Variants in ZGRF1 observed in about 807,000 individuals in gnomAD.
The protein encoded by ZGRF1 is zinc finger GRF-type containing 1.
In ZGRF1, 196 loss-of-function variants were observed where a neutral mutation model predicts 203.5. The observed-to-expected ratio is 0.96, with a 90% CI of 0.86 to 1.08. ZGRF1 has a LOEUF of 1.08. Among genes scored for constraint, ZGRF1 ranks in the 50% least tolerant of loss-of-function variants. The pLI, the probability that ZGRF1 is intolerant of heterozygous loss-of-function variation, is 0.00. For synonymous variants in ZGRF1, 809 were observed against 841.3 expected, an observed-to-expected ratio of 0.96 and a Z score of 0.66; for missense variants, 2,326 against 2,416.3, an observed-to-expected ratio of 0.96 and a Z score of 0.78.
intron 24 of ZGRF1, among the ~76,000 whole-genome samples, chr4:112,546,530 A>G (rs912852640): frequency 6.6e-6 from 1 of 152,204 alleles, no homozygotes; most frequent in Non-Finnish European, 1.5e-5. Context: ...CTTCATCCCC[A>G]ATGCAACAGT....
rs1257042608 is a variant in ZGRF1, at chr4:112,619,215, T to A, written c.827A>T (p.Glu276Val). 8 of 1,613,300 alleles carry A rather than the reference T, an allele frequency of 5.0e-6. No homozygotes were observed. In the East Asian group the frequency reaches 1.1e-4, roughly 22 times the overall value. Reference sequence around the variant, plus strand: ...TTGTGGTTGTTTTTGAGGAAAATGCTCTGTCATCTCAGAATTTAGTTCCTC... The same window carrying A: ...TTGTGGTTGTTTTTGAGGAAAATGCACTGTCATCTCAGAATTTAGTTCCTC... ...SCEELNSEMT[E>V]HFPQKQPQGS... The change falls in exon 6 of 28, where the codon GAG (glutamate) becomes GTG (valine). Residue 276 changes from glutamate to valine, a missense_variant. Glu to Val is a moderately radical substitution (Grantham distance 121). Transcript: ENST00000505019.
intron 9 of ZGRF1, 178 bp downstream of exon 9, chr4:112,605,830 C>A (rs1229675946): frequency 1.8e-6 from 1 of 564,512 alleles, no homozygotes. Context: ...AAGTTTAAGA[C>A]CAAAAAGGGG....
At chr4:112,578,433 G>A (rs1745609576) in intron 16 of ZGRF1, among the ~76,000 whole-genome samples, 1 of 114,976 alleles carries the variant, frequency 8.7e-6, no homozygotes, top group Non-Finnish European at 2.0e-5. Flanking sequence ...GAGCAGAACT[G>A]AAGGAAATAG....
Position 112,584,030 on chromosome 4 carries a change from A to G in ZGRF1, c.4246T>C (p.Tyr1416His), listed in dbSNP as rs1323529737. 1 of 1,612,234 alleles carries G rather than the reference A, an allele frequency of 6.2e-7. No individual in the cohort carries two copies. Among genetic ancestry groups the G allele is most frequent in the African/African-American group, 1.3e-5 (1 of 74,830 alleles). ...AGTGGTATCTTTTGACTTCTTAAAT[A>G]TAAGCCAATACTCTTAATATCACTT... is the stretch of plus-strand genomic sequence containing the variant. The part of the protein sequence containing the change: ...VLSDIKSIGL[Y>H]LRSQKIPLYE... Residue 1416 changes from tyrosine (Y) to histidine (H), a missense_variant, in exon 15 of 28, where the codon TAT becomes CAT. Physicochemically the swap from Tyr to His is moderately conservative, Grantham distance 83. Coordinates refer to ENST00000505019, the MANE Select transcript of ZGRF1 (RefSeq NM_018392.5).
rs1204996218 is a variant in ZGRF1 at position 112,539,502 on chromosome 4, T to C, written c.*45A>G. 4 of 945,170 alleles carry C rather than the reference T, an allele frequency of 4.2e-6. No individual in the cohort carries two copies. Among genetic ancestry groups the C allele is most frequent in the Non-Finnish European group, 6.3e-6 (4 of 631,132 alleles). 58.5% of individuals were successfully genotyped at this position (945,170 alleles called of 1,614,324 possible). A position where few individuals can be genotyped will look rare whatever the true frequency, so the allele number is the denominator to read the frequency against. On this transcript the variant is annotated 3_prime_UTR_variant, in exon 28 of 28. Transcript: ENST00000505019. The stretch of plus-strand genomic sequence containing the variant: ...AATATAAAAAATATATCATGTAAAA[T>C]GAGTCTGAATTTACATAAATACAAA...
At chr4:112,575,629 T>C (rs186053840) in intron 16 of ZGRF1, among the ~76,000 whole-genome samples, 1 of 152,358 alleles carries the variant, frequency 6.6e-6, no homozygotes, top group Non-Finnish European at 1.5e-5. Flanking sequence ...CAGGATATTA[T>C]ATCCCGTGCC....
chr4:112,561,059 T>G, intron 18 of ZGRF1, 64 bp from the exon 19 acceptor site: 1 of 1,274,846 alleles, frequency 7.8e-7, no homozygotes, highest in Non-Finnish European at 1.1e-6. Flanking sequence ...ATGAGTAGAA[T>G]AATTCATAAC....
At chr4:112,635,361 C>G (rs2047562586) in intron 1 of ZGRF1, among the ~76,000 whole-genome samples, 1 of 152,052 alleles carries the variant, frequency 6.6e-6, no homozygotes, top group East Asian at 1.9e-4. Context: ...TTATTCAGTG[C>G]TACCATATGC....
intron 16 of ZGRF1, among the ~76,000 whole-genome samples, chr4:112,574,116 T>C (rs1744715280): frequency 6.6e-6 from 1 of 152,234 alleles, no homozygotes; most frequent in Admixed American, 6.5e-5. Flanking sequence ...GGCAGCATTT[T>C]CATTCCTAGA....
chr4:112,618,701 C>G lies in ZGRF1; in HGVS notation c.1341G>C (p.Gly447=). 1 of 1,611,524 alleles carries G rather than the reference C, an allele frequency of 6.2e-7. No individual in the cohort carries two copies. Among genetic ancestry groups the G allele is most frequent in the African/African-American group, 1.3e-5 (1 of 74,964 alleles). ...TAATGAGAACTGATCCTTTAATGCA[C>G]CCCTTGTCATTTTGATTAAAAGGTA... is the stretch of plus-strand genomic sequence containing the variant. ...NKIPFNQNDK[G]CIKGSVLIKE... Residue 447 remains glycine, a synonymous_variant, in exon 6 of 28, where the codon GGG becomes GGC. Transcript: ENST00000505019.
At chr4:112,616,346 C>T (rs1293904673) in intron 6 of ZGRF1, among the ~76,000 whole-genome samples, 1 of 134,334 alleles carries the variant, frequency 7.4e-6, no homozygotes, top group Non-Finnish European at 1.6e-5. Context: ...ATGGTGAAAC[C>T]CCATCTCTAC....
At chr4:112,548,194 GCCT>G in intron 23 of ZGRF1, 56 bp downstream of exon 23, 1 of 1,486,960 alleles carries the variant, frequency 6.7e-7, no homozygotes, top group Non-Finnish European at 9.1e-7. Flanking sequence ...ACCTGCCTCA[GCCT>G]CCTAAAGTGC....
chr4:112,609,955 A>G (rs1578437967), intron 7 of ZGRF1, among the ~76,000 whole-genome samples: 1 of 152,064 alleles, frequency 6.6e-6, no homozygotes, highest in East Asian at 1.9e-4. Flanking sequence ...GCTGGGGAAC[A>G]TAGTGAAACC....
chr4:112,591,565 T>C (rs1409972600), intron 10 of ZGRF1, among the ~76,000 whole-genome samples: 1 of 152,186 alleles, frequency 6.6e-6, no homozygotes, highest in Non-Finnish European at 1.5e-5. Flanking sequence ...CCTTACCTCC[T>C]GTTTAACCTC....
At chr4:112,590,082 C>T (rs1172678111) in intron 10 of ZGRF1, among the ~76,000 whole-genome samples, 3 of 152,112 alleles carry the variant, frequency 2.0e-5, no homozygotes, top group Non-Finnish European at 4.4e-5. Flanking sequence ...AAATACAGAG[C>T]ATAAAATCTT....
intron 7 of ZGRF1, 70 bp downstream of exon 7, chr4:112,612,454 A>C (rs2046719575): frequency 9.6e-7 from 1 of 1,037,218 alleles, no homozygotes; most frequent in African/African-American, 1.6e-5. Context: ...TATTACTATA[A>C]TTCTATTACA....
At chr4:112,545,943 T>C (rs1292602057) in intron 24 of ZGRF1, among the ~76,000 whole-genome samples, 1 of 152,068 alleles carries the variant, frequency 6.6e-6, no homozygotes, top group Non-Finnish European at 1.5e-5. Context: ...CACAGGTTAC[T>C]TACTAGGGGC....
At position 112,633,211 on chromosome 4, in the gene ZGRF1, GA is replaced by G. The variant is rs1317274195; in HGVS notation, c.-36del. On this transcript the variant is annotated 5_prime_UTR_variant, in exon 2 of 28. Transcript: ENST00000505019. ...TGAAGTTATAAACCAGCTGGGTCCA[GA>G]AAATAGGAAATATTCAACTATTTAT... The G allele has an allele frequency of 1.3e-6, 2 of 1,568,094 alleles. No homozygotes were observed. The highest frequency in any genetic ancestry group is 2.3e-5 in the South Asian group (2 of 88,548).
In ZGRF1 at chr4:112,584,058, A is replaced by G. The variant is rs1746729709; in HGVS notation, c.4218T>C (p.Val1406=). ...STQEGARPGM[V]LSDIKSIGLY... Reference sequence around the variant, plus strand: ...AGCCAATACTCTTAATATCACTTAAAACCATGCCAGGTCGAGCTCCTTCCT... The same window carrying G: ...AGCCAATACTCTTAATATCACTTAAGACCATGCCAGGTCGAGCTCCTTCCT... Residue 1406 remains valine, a synonymous_variant, in exon 15 of 28, where the codon GTT becomes GTC. Transcript: ENST00000505019. The G allele has an allele frequency of 6.2e-7, 1 of 1,613,618 alleles. No individual in the cohort carries two copies. The highest frequency in any genetic ancestry group is 1.1e-5 in the South Asian group (1 of 91,070).
Sources: gnomAD v4.1 joint callset for allele counts (sites outside exome capture counted in the v4.1 genomes callset) on GRCh38, gnomAD v4.1.1 for gene constraint, MANE v1.5 for transcripts, NCBI Gene and HGNC (gene_info 2026-07-23, HGNC 2026-07-21) for gene names.